The following MTUS1 variants were observed in gnomAD, a reference collection of about 807,000 sequenced individuals.
The protein encoded by MTUS1 is microtubule-associated tumor suppressor 1.
Under a neutral mutation model 120.8 loss-of-function variants are expected in MTUS1, and 109 were observed. That is an observed-to-expected ratio of 0.90 (90% confidence interval 0.77 to 1.06). MTUS1 has a LOEUF of 1.06. Ranked by LOEUF, MTUS1 falls within the 50% of genes least tolerant of loss-of-function variation. The pLI is 0.00. For missense variants in MTUS1, 2,210 were observed against 1,486.3 expected (o/e 1.49, Z -8.01); for synonymous variants, 737 against 550.5 (o/e 1.34, Z -4.74).
chr8:17,674,925 C>G, intron 8 of MTUS1: 1 of 1,256,700 alleles, frequency 8.0e-7, no homozygotes. Context: ...AACTCTGTCC[C>G]TCTCTTCAGC....
chr8:17,646,530 G>C (rs898342195), intron 14 of MTUS1, among the ~76,000 whole-genome samples: 1 of 152,212 alleles, frequency 6.6e-6, no homozygotes, highest in Non-Finnish European at 1.5e-5. Context: ...GGAGGCTGCA[G>C]TAAGCTAAGA....
chr8:17,720,667 C>CT (rs1353466357), intron 4 of MTUS1, among the ~76,000 whole-genome samples: 1 of 152,160 alleles, frequency 6.6e-6, no homozygotes, highest in Non-Finnish European at 1.5e-5. Flanking sequence ...CCAAGACCCC[C>CT]TTCTAAATTG....
intron 3 of MTUS1, among the ~76,000 whole-genome samples, chr8:17,740,057 A>T (rs1245996795): frequency 1.3e-5 from 2 of 152,098 alleles, no homozygotes. Flanking sequence ...AATACAAAAA[A>T]TTAGTTGGGC....
Position 17,674,126 on chromosome 8 carries a change from G to C in MTUS1, c.2905+1060C>G, listed in dbSNP as rs1186395384. ...CCCCAAAGCGGTCAGATCACTCCAAGATACGAGTTGACGTAGAAAAGGGAG... is the reference window on the plus strand; with the variant it reads ...CCCCAAAGCGGTCAGATCACTCCAACATACGAGTTGACGTAGAAAAGGGAG... On this transcript the variant is annotated intron_variant, in intron 8 of 14. Coordinates refer to ENST00000693296, the MANE Select transcript of MTUS1 (RefSeq NM_001363059.2). 6.6e-5 allele frequency among the ~76,000 whole-genome samples: 10 copies of C among 152,160 alleles called. 1 individual carries two copies. Among genetic ancestry groups the C allele is most frequent in the Admixed American group, 6.5e-5 (1 of 15,270 alleles).
At chr8:17,781,409 G>A (rs543203403) in intron 1 of MTUS1, among the ~76,000 whole-genome samples, 1 of 152,202 alleles carries the variant, frequency 6.6e-6, no homozygotes, top group African/African-American at 2.4e-5. Context: ...ATGGCCTGTT[G>A]TCTGCAAGTT....
At chr8:17,759,288 A>G (rs1347119759) in intron 1 of MTUS1, among the ~76,000 whole-genome samples, 2 of 150,456 alleles carry the variant, frequency 1.3e-5, no homozygotes, top group African/African-American at 2.4e-5. Context: ...TTTTGAGACA[A>G]GGTCTCACTT....
chr8:17,710,067 T>G (rs1234069192), intron 6 of MTUS1, among the ~76,000 whole-genome samples: 1 of 152,188 alleles, frequency 6.6e-6, no homozygotes, highest in Non-Finnish European at 1.5e-5. Flanking sequence ...AAAGATCATC[T>G]GAGCCTTCAG....
At position 17,729,947 on chromosome 8, in the gene MTUS1, G is replaced by T. The variant is rs548688880; in HGVS notation, c.2288-6114C>A. Among the ~76,000 whole-genome samples the T allele has an allele frequency of 2.7e-5, 4 of 147,778 alleles. No individual in the cohort carries two copies. The East Asian group carries it at 7.9e-4, about 29-fold the overall frequency. On this transcript the variant is annotated intron_variant, in intron 3 of 14. Transcript: ENST00000693296. ...CTAGGGAAATGCAAATCACAATCGC[G>T]CGAGATACCACTTTGTACCTAATGG...
chr8:17,748,540 C>T (rs188068481), intron 2 of MTUS1, among the ~76,000 whole-genome samples: 34 of 152,280 alleles, frequency 2.2e-4, no homozygotes, highest in Admixed American at 2.6e-4. Flanking sequence ...GATGACACAC[C>T]GGTGTCCATG....
chr8:17,677,772 T>C (rs538507935), intron 7 of MTUS1, among the ~76,000 whole-genome samples: 12 of 152,294 alleles, frequency 7.9e-5, no homozygotes, highest in African/African-American at 2.9e-4. Context: ...TTTGTCTAAA[T>C]GGGTTGTGCA....
At chr8:17,664,526 C>T (rs1012891322) in intron 8 of MTUS1, among the ~76,000 whole-genome samples, 4 of 151,426 alleles carry the variant, frequency 2.6e-5, no homozygotes, top group African/African-American at 7.3e-5. Context: ...GCTCTGCCTG[C>T]AGTGGGCCCC....
At chr8:17,738,770 A>C (rs966079528) in intron 3 of MTUS1, among the ~76,000 whole-genome samples, 23 of 152,136 alleles carry the variant, frequency 1.5e-4, no homozygotes, top group African/African-American at 5.3e-4. Flanking sequence ...TCAAGCTTTA[A>C]ACCAAGGCCT....
At position 17,657,980 on chromosome 8, in the gene MTUS1, T is replaced by C. The variant is rs1808803533; in HGVS notation, c.2906-1915A>G. The stretch of plus-strand genomic sequence containing the variant: ...ATGCATATATACATGCATATACATA[T>C]ACATATATAATACATATATACACAT... On this transcript the variant is annotated intron_variant, in intron 8 of 14. Transcript: ENST00000693296. Among the ~76,000 whole-genome samples, 2 of 151,030 alleles carry C rather than the reference T, an allele frequency of 1.3e-5. 1 individual carries two copies. The highest frequency in any genetic ancestry group is 1.3e-4 in the Admixed American group (2 of 15,064).
At chr8:17,667,211 G>A (rs1032197257) in intron 8 of MTUS1, among the ~76,000 whole-genome samples, 20 of 152,216 alleles carry the variant, frequency 1.3e-4, no homozygotes, top group African/African-American at 4.8e-4. Context: ...GATAGGAAGA[G>A]AATGAGCTAA....
At chr8:17,784,443 G>A (rs12542024) in intron 1 of MTUS1, among the ~76,000 whole-genome samples, 110,552 of 151,632 alleles carry the variant, frequency 0.73, 41,869 homozygotes, top group Non-Finnish European at 0.85. Flanking sequence ...TTACAGGTGC[G>A]CACCACCATG....
chr8:17,720,344 T>TAAAAAAA (rs78717757), intron 4 of MTUS1, among the ~76,000 whole-genome samples: 2 of 134,436 alleles, frequency 1.5e-5, no homozygotes, highest in Admixed American at 7.5e-5. Context: ...AAACTCCATC[T>TAAAAAAA]AAAAAAAAAA....
chr8:17,794,061 C>G (rs946477178), intron 1 of MTUS1, among the ~76,000 whole-genome samples: 2 of 152,170 alleles, frequency 1.3e-5, no homozygotes, highest in African/African-American at 4.8e-5. Context: ...GGCACAGTGG[C>G]TCACGTCTGT....
At chr8:17,753,673 C>T (rs1301868400) in intron 2 of MTUS1, 44 bp downstream of exon 2, 1 of 1,342,350 alleles carries the variant, frequency 7.4e-7, no homozygotes, top group African/African-American at 1.5e-5. Context: ...CAGTTTTCTC[C>T]ACAGTTCTCT....
At position 17,754,711 on chromosome 8, in the gene MTUS1, T is replaced by A. The variant is rs976449917; in HGVS notation, c.1097A>T (p.Asn366Ile). 11 of 1,614,148 alleles carry A rather than the reference T, an allele frequency of 6.8e-6. No homozygotes were observed. In the African/African-American group the frequency reaches 1.3e-4, roughly 20 times the overall value. The change falls in exon 2 of 15, where the codon AAC (asparagine) becomes ATC (isoleucine). Residue 366 changes from asparagine to isoleucine, a missense_variant. Transcript: ENST00000693296. ...AGTCTCAGTGACTTTATGCTCTGGGTTCAGCACTTGAGCTTCGCTCTTATC... is the reference window on the plus strand; with the variant it reads ...AGTCTCAGTGACTTTATGCTCTGGGATCAGCACTTGAGCTTCGCTCTTATC... ...AFDKSEAQVL[N>I]PEHKVTETED...
Sources: gnomAD v4.1 joint callset for allele counts (sites outside exome capture counted in the v4.1 genomes callset) on GRCh38, gnomAD v4.1.1 for gene constraint, MANE v1.5 for transcripts, NCBI Gene and HGNC (gene_info 2026-07-23, HGNC 2026-07-21) for gene names.